The following NR6A1 variants were observed in gnomAD, a reference collection of about 807,000 sequenced individuals.
The protein encoded by NR6A1 is retinoic acid receptor-related testis-associated receptor.
Under a neutral mutation model 59.1 loss-of-function variants are expected in NR6A1, and 7 were observed. That is an observed-to-expected ratio of 0.12 (90% CI 0.07 to 0.22). NR6A1 has a LOEUF of 0.22. Ranked by LOEUF, NR6A1 falls within the 10% of genes least tolerant of loss-of-function variation. The pLI is 1.00. For synonymous variants in NR6A1, 243 were observed against 236.1 expected (o/e 1.03, Z -0.27); for missense variants, 468 against 611.6 (o/e 0.77, Z 2.48).
intron 1 of NR6A1, among the ~76,000 whole-genome samples, chr9:124,761,397 T>C (rs1403778673): frequency 6.6e-6 from 1 of 152,226 alleles, no homozygotes; most frequent in South Asian, 2.1e-4. Context: ...GTTATTCACA[T>C]TGTTATGTGA....
chr9:124,568,205 GC>G lies in NR6A1; in HGVS notation c.143-13636del, dbSNP rs1006543749. On this transcript the variant is annotated intron_variant, in intron 2 of 9. Coordinates refer to ENST00000487099, the MANE Select transcript of NR6A1 (RefSeq NM_033334.4). ...AAAAAAAAAAAAAAAAGAAACAGAG[GC>G]TGGGCGTGGTGGCTCATGCCTGTAA... Among the ~76,000 whole-genome samples, 10 of 144,906 alleles carry G rather than the reference GC, an allele frequency of 6.9e-5. 1 individual carries two copies. The highest frequency in any genetic ancestry group is 2.6e-4 in the African/African-American group (10 of 39,010).
At chr9:124,611,389 GA>G (rs1835738561) in intron 2 of NR6A1, among the ~76,000 whole-genome samples, 1 of 152,008 alleles carries the variant, frequency 6.6e-6, no homozygotes, top group Admixed American at 6.6e-5. Flanking sequence ...GTAGGGAAGA[GA>G]TCCCCCAGAG....
chr9:124,663,362 T>A (rs546320753), intron 2 of NR6A1, among the ~76,000 whole-genome samples: 1 of 152,318 alleles, frequency 6.6e-6, no homozygotes, highest in South Asian at 2.1e-4. Context: ...ATTCTCAGCC[T>A]ATCTTATGCC....
At chr9:124,693,816 G>GC (rs1838650444) in intron 2 of NR6A1, 1 of 532,796 alleles carries the variant, frequency 1.9e-6, no homozygotes, top group South Asian at 1.4e-5. Flanking sequence ...GGAAGCAAAA[G>GC]CATGTGCAGA....
intron 2 of NR6A1, among the ~76,000 whole-genome samples, chr9:124,632,497 C>CT (rs1432079887): frequency 1.3e-5 from 2 of 152,182 alleles, no homozygotes; most frequent in East Asian, 3.8e-4. Flanking sequence ...CCTTTGTCCA[C>CT]TTTTTAACGG....
chr9:124,653,182 C>A (rs1184703905), intron 2 of NR6A1, among the ~76,000 whole-genome samples: 2 of 152,224 alleles, frequency 1.3e-5, no homozygotes, highest in Non-Finnish European at 2.9e-5. Context: ...CATTTAACCA[C>A]CAGAGCCTCA....
chr9:124,729,064 G>GA (rs977706796), intron 2 of NR6A1, among the ~76,000 whole-genome samples: 1 of 152,068 alleles, frequency 6.6e-6, no homozygotes, highest in African/African-American at 2.4e-5. Flanking sequence ...TGTTTAGTGG[G>GA]AAAAAAACTT....
At position 124,771,008 on chromosome 9, in the gene NR6A1, C is replaced by T. The variant is rs1841139641; in HGVS notation, c.100+12G>A. On this transcript the variant is annotated intron_variant, in intron 1 of 9. Coordinates refer to ENST00000487099, the MANE Select transcript of NR6A1 (RefSeq NM_033334.4). The stretch of plus-strand genomic sequence containing the variant: ...TCCTGCCTGGCCCGGGCGTCGCAGG[C>T]CCCTCACCCACCGTTGCGCGGCGGC... 1 of 1,221,864 alleles carries T rather than the reference C, an allele frequency of 8.2e-7. No homozygotes were observed. 75.7% of individuals were successfully genotyped at this position (1,221,864 alleles called of 1,614,324 possible). A position where few individuals can be genotyped will look rare whatever the true frequency, so the allele number is the denominator to read the frequency against.
chr9:124,666,451 G>T (rs1261242221), intron 2 of NR6A1, among the ~76,000 whole-genome samples: 1 of 151,870 alleles, frequency 6.6e-6, no homozygotes, highest in African/African-American at 2.4e-5. Context: ...CCTAATTTGT[G>T]TATTTTTTGT....
chr9:124,646,687 A>C (rs1455999915), intron 2 of NR6A1, among the ~76,000 whole-genome samples: 2 of 152,152 alleles, frequency 1.3e-5, no homozygotes, highest in Non-Finnish European at 2.9e-5. Flanking sequence ...AAATGCAAAA[A>C]ATTTCATGTT....
intron 2 of NR6A1, among the ~76,000 whole-genome samples, chr9:124,610,151 G>C (rs1835697865): frequency 6.6e-6 from 1 of 152,190 alleles, no homozygotes; most frequent in African/African-American, 2.4e-5. Flanking sequence ...AAGGAGTGGT[G>C]AGAGAAGGCA....
intron 2 of NR6A1, among the ~76,000 whole-genome samples, chr9:124,559,446 C>T (rs751405122): frequency 3.3e-5 from 5 of 152,136 alleles, no homozygotes; most frequent in Non-Finnish European, 7.3e-5. Flanking sequence ...TCTAACCTAG[C>T]TCATATATAA....
rs1279194062 is a variant in NR6A1, at chr9:124,733,288, G to C, written c.142+20C>G. 6.3e-7 allele frequency: 1 copy of C among 1,579,848 alleles called. No individual in the cohort carries two copies. Among genetic ancestry groups the C allele is most frequent in the South Asian group, 1.1e-5 (1 of 90,294 alleles). On this transcript the variant is annotated intron_variant, in intron 2 of 9. Transcript: ENST00000487099. Reference sequence around the variant, plus strand: ...CATCCTTTTCTTACCAAAGAATATTGGGTAACATTGAGAACTTACTAGTGC... The same window carrying C: ...CATCCTTTTCTTACCAAAGAATATTCGGTAACATTGAGAACTTACTAGTGC...
At chr9:124,719,405 A>T (rs1357682752) in intron 2 of NR6A1, among the ~76,000 whole-genome samples, 1 of 152,224 alleles carries the variant, frequency 6.6e-6, no homozygotes, top group African/African-American at 2.4e-5. Context: ...TTTAAATTTT[A>T]AACTGCCAAG....
intron 2 of NR6A1, among the ~76,000 whole-genome samples, chr9:124,602,664 AGAT>A (rs893386700): frequency 3.9e-5 from 6 of 152,250 alleles, no homozygotes; most frequent in Non-Finnish European, 5.9e-5. Context: ...AGACAACGTC[AGAT>A]GATATAGGAA....
At chr9:124,629,455 T>C (rs945225057) in intron 2 of NR6A1, among the ~76,000 whole-genome samples, 3 of 152,252 alleles carry the variant, frequency 2.0e-5, no homozygotes, top group Non-Finnish European at 2.9e-5. Context: ...CTTATAATCA[T>C]GACTTTAGAA....
chr9:124,522,296 C>G lies in NR6A1; in HGVS notation c.*409G>C, dbSNP rs1223650711. The G allele has an allele frequency of 6.4e-6, 1 of 156,094 alleles. No homozygotes were observed. Among genetic ancestry groups the G allele is most frequent in the South Asian group, 1.9e-4 (1 of 5,144 alleles). 9.7% of individuals were successfully genotyped at this position (156,094 alleles called of 1,614,324 possible). ...TGTGGAAAAAGTAGGGATGGCCACA[C>G]CCCCCATTTCCATTGAGGTAGTCAT... On this transcript the variant is annotated 3_prime_UTR_variant, in exon 10 of 10. Transcript: ENST00000487099.
intron 2 of NR6A1, chr9:124,698,099 A>G (rs2131039794): frequency 1.3e-5 from 2 of 152,362 alleles, no homozygotes; most frequent in Middle Eastern, 6.8e-3. Flanking sequence ...CTGTGATCTC[A>G]AAGTTGTAGA....
At chr9:124,748,374 AGATTCT>A (rs1402796624) in intron 1 of NR6A1, among the ~76,000 whole-genome samples, 1 of 152,244 alleles carries the variant, frequency 6.6e-6, no homozygotes, top group Non-Finnish European at 1.5e-5. Flanking sequence ...GGGGTTATCA[AGATTCT>A]TAGATTTTTT....
Sources: gnomAD v4.1 joint callset for allele counts (sites outside exome capture counted in the v4.1 genomes callset) on GRCh38, gnomAD v4.1.1 for gene constraint, MANE v1.5 for transcripts, NCBI Gene and HGNC (gene_info 2026-07-23, HGNC 2026-07-21) for gene names.